METTL25: variants seen among roughly 807,000 people sequenced by gnomAD.
The protein encoded by METTL25 is probable methyltransferase-like protein 25.
A neutral mutation model predicts 71.6 loss-of-function variants in METTL25; 64 were observed. The observed-to-expected ratio is 0.89, with a 90% confidence interval of 0.73 to 1.10. The LOEUF (loss-of-function observed/expected upper bound fraction) is 1.10. METTL25 is among the 50% of genes least tolerant of loss of function. The pLI, the probability that METTL25 is intolerant of heterozygous loss-of-function variation, is 0.00. For synonymous variants in METTL25, 287 were observed against 250.3 expected (o/e 1.15, Z -1.38); for missense variants, 807 against 707.0 (o/e 1.14, Z -1.60).
At chr12:82,472,009 T>A (rs1456315166) in intron 9 of METTL25, among the ~76,000 whole-genome samples, 1 of 152,200 alleles carries the variant, frequency 6.6e-6, no homozygotes, top group Non-Finnish European at 1.5e-5. Context: ...AATATATTAA[T>A]CTTATAGATT....
chr12:82,386,669 A>G, intron 1 of METTL25, 134 bp from the exon 2 acceptor site: 1 of 691,412 alleles, frequency 1.4e-6, no homozygotes, highest in South Asian at 2.0e-5. Flanking sequence ...CATTAGATAT[A>G]TTGCCAAAAT....
At chr12:82,387,926 CAAG>C (rs1885207286) in intron 2 of METTL25, among the ~76,000 whole-genome samples, 1 of 151,892 alleles carries the variant, frequency 6.6e-6, no homozygotes, top group Admixed American at 6.6e-5. Flanking sequence ...TTACTTTTTC[CAAG>C]AATATCTTTT....
At chr12:82,450,851 C>A (rs1435770913) in intron 8 of METTL25, among the ~76,000 whole-genome samples, 3 of 152,166 alleles carry the variant, frequency 2.0e-5, no homozygotes, top group Non-Finnish European at 4.4e-5. Flanking sequence ...CAGCCTCTTT[C>A]TTCAGGTCTT....
At chr12:82,435,787 A>G (rs1407403916) in intron 7 of METTL25, among the ~76,000 whole-genome samples, 1 of 151,536 alleles carries the variant, frequency 6.6e-6, no homozygotes, top group African/African-American at 2.4e-5. Flanking sequence ...TAATTGCTCA[A>G]TAAATGCCAA....
chr12:82,457,751 T>C lies in METTL25; in HGVS notation c.1572+931T>C, dbSNP rs548141207. On this transcript the variant is annotated intron_variant, in intron 9 of 11. Coordinates refer to ENST00000248306, the MANE Select transcript of METTL25 (RefSeq NM_032230.3). ...GTAATCCCTTTGTATGTACTATGAG[T>C]AACAACACAATCAACATGATGCTTA... Among the ~76,000 whole-genome samples the C allele has an allele frequency of 2.6e-5, 4 of 152,182 alleles. No homozygotes were observed. In the South Asian group the frequency reaches 6.2e-4, roughly 24 times the overall value.
In METTL25 at chr12:82,438,748, G is replaced by A. The variant is rs762175143; in HGVS notation, c.1435G>A (p.Val479Ile). The A allele has an allele frequency of 6.5e-7, 1 of 1,541,974 alleles. No individual in the cohort carries two copies. The highest frequency in any genetic ancestry group is 1.2e-5 in the South Asian group (1 of 81,154). ...LPTESLFYRA[V>I]LQDIIKDCYG... Reference sequence around the variant, plus strand: ...TACTGAATCACTCTTCTATCGTGCTGTTCTTCAGGATATTATTAAAGATTG... The same window carrying A: ...TACTGAATCACTCTTCTATCGTGCTATTCTTCAGGATATTATTAAAGATTG... The change falls in exon 8 of 12, where the codon GTT becomes ATT. Residue 479 changes from valine to isoleucine, a missense_variant. Val to Ile is a conservative substitution (Grantham distance 29). Coordinates refer to ENST00000248306, the MANE Select transcript of METTL25 (RefSeq NM_032230.3).
intron 5 of METTL25, among the ~76,000 whole-genome samples, chr12:82,426,689 GCTCC>G (rs1364493533): frequency 6.6e-5 from 10 of 151,864 alleles, no homozygotes; most frequent in African/African-American, 2.4e-4. Context: ...CTTTTATTAT[GCTCC>G]ACTTCTCCAA....
intron 5 of METTL25, among the ~76,000 whole-genome samples, chr12:82,429,725 C>G (rs980362795): frequency 2.6e-5 from 4 of 151,468 alleles, no homozygotes; most frequent in Non-Finnish European, 4.4e-5. Context: ...CATTTATATG[C>G]CAACTTTTCA....
rs560457869 is a variant in METTL25 at position 82,461,176 on chromosome 12, A to C, written c.1572+4356A>C. ...TATGTATATATATACCATATTGTAA[A>C]ATGTTAACAGAAGAAAAGAGTATAC... On this transcript the variant is annotated intron_variant, in intron 9 of 11. Coordinates refer to ENST00000248306, the MANE Select transcript of METTL25 (RefSeq NM_032230.3). 3.3e-5 allele frequency among the ~76,000 whole-genome samples: 5 copies of C among 152,186 alleles called. 1 individual carries two copies. The South Asian group carries it at 1.0e-3, about 32-fold the overall frequency.
At chr12:82,407,881 TC>T in intron 5 of METTL25, 3 of 985,230 alleles carry the variant, frequency 3.0e-6, no homozygotes, top group Non-Finnish European at 3.6e-6. Context: ...GGTAACATAC[TC>T]CCTTTTCTCT....
intron 5 of METTL25, among the ~76,000 whole-genome samples, chr12:82,413,563 GTC>G (rs1887723777): frequency 6.6e-6 from 1 of 151,966 alleles, no homozygotes; most frequent in Non-Finnish European, 1.5e-5. Context: ...GTTCTCCTCT[GTC>G]TCTGCAGTAT....
intron 8 of METTL25, among the ~76,000 whole-genome samples, chr12:82,446,778 G>A (rs1361741706): frequency 6.6e-6 from 1 of 151,736 alleles, no homozygotes; most frequent in Non-Finnish European, 1.5e-5. Flanking sequence ...TACCACACCC[G>A]GCTAATTTTT....
At chr12:82,427,280 T>C (rs972551130) in intron 5 of METTL25, among the ~76,000 whole-genome samples, 1 of 151,970 alleles carries the variant, frequency 6.6e-6, no homozygotes, top group Non-Finnish European at 1.5e-5. Context: ...GTGTGTGTTA[T>C]CTAATGTTGT....
At chr12:82,425,886 AT>A (rs2137125067) in intron 5 of METTL25, among the ~76,000 whole-genome samples, 1 of 152,206 alleles carries the variant, frequency 6.6e-6, no homozygotes, top group Non-Finnish European at 1.5e-5. Flanking sequence ...TCTCTAAGAG[AT>A]TATTGATTCT....
intron 9 of METTL25, among the ~76,000 whole-genome samples, chr12:82,467,128 T>TA (rs562194761): frequency 0.015 from 2,208 of 144,680 alleles, 42 homozygotes; most frequent in African/African-American, 0.047. Flanking sequence ...GTTGGGTCTT[T>TA]AAAAAAAAAA....
intron 7 of METTL25, among the ~76,000 whole-genome samples, chr12:82,438,142 A>G (rs1890056707): frequency 6.6e-6 from 1 of 151,762 alleles, no homozygotes; most frequent in Admixed American, 6.6e-5. Context: ...TTCTGCAAGA[A>G]GTGAAGCATT....
chr12:82,390,975 T>C (rs1885522023), intron 3 of METTL25, among the ~76,000 whole-genome samples: 1 of 152,060 alleles, frequency 6.6e-6, no homozygotes, highest in Non-Finnish European at 1.5e-5. Flanking sequence ...ATACATAATT[T>C]AGTTAGAATT....
intron 5 of METTL25, chr12:82,407,788 A>G: frequency 1.0e-6 from 1 of 983,404 alleles, no homozygotes; most frequent in Non-Finnish European, 1.2e-6. Context: ...TGATAGGAAT[A>G]ATGAAAGTAA....
intron 8 of METTL25, among the ~76,000 whole-genome samples, chr12:82,446,651 C>A: frequency 6.8e-6 from 1 of 146,130 alleles, no homozygotes; most frequent in Non-Finnish European, 1.5e-5. Flanking sequence ...GAGTCTCGCT[C>A]TGTCGCCCAG....
Sources: allele counts gnomAD v4.1 joint callset (sites outside exome capture counted in the v4.1 genomes callset), GRCh38; gene constraint gnomAD v4.1.1; transcripts MANE v1.5; gene names NCBI Gene and HGNC (gene_info 2026-07-23, HGNC 2026-07-21).